The following ARHGAP25 variants were observed in gnomAD, a reference collection of about 807,000 sequenced individuals.
ARHGAP25 encodes the protein Rho GTPase activating protein 25, also known as rho GTPase-activating protein 25.
A neutral mutation model predicts 71.0 loss-of-function variants in ARHGAP25; 34 were observed. The observed-to-expected ratio is 0.48, with a 90% CI of 0.36 to 0.64. The LOEUF is 0.64. ARHGAP25 is among the 30% of genes least tolerant of loss of function. The probability of loss-of-function intolerance (pLI) is 0.00; values close to 1 mark genes in which losing one functional copy is unlikely to be tolerated. For missense variants in ARHGAP25, 706 were observed against 805.1 expected (o/e 0.88, Z 1.49); for synonymous variants, 282 against 296.5 (o/e 0.95, Z 0.50).
At chr2:68,805,968 T>C (rs1313769653) in intron 4 of ARHGAP25, among the ~76,000 whole-genome samples, 1 of 152,194 alleles carries the variant, frequency 6.6e-6, no homozygotes, top group Non-Finnish European at 1.5e-5. Context: ...GGATAGGCAG[T>C]GGTTGTCCTG....
At chr2:68,816,471 C>A in intron 7 of ARHGAP25, 109 bp downstream of exon 7, 3 of 859,462 alleles carry the variant, frequency 3.5e-6, no homozygotes, top group Non-Finnish European at 5.6e-6. Context: ...TGGTCTAGCA[C>A]TTTGGAAGAT....
At chr2:68,772,462 C>T (rs1216851906) in intron 1 of ARHGAP25, among the ~76,000 whole-genome samples, 7 of 152,236 alleles carry the variant, frequency 4.6e-5, no homozygotes, top group Non-Finnish European at 7.3e-5. Flanking sequence ...AAAGCCACAC[C>T]GGGATAGACT....
At chr2:68,781,759 C>T (rs1381608381) in intron 2 of ARHGAP25, among the ~76,000 whole-genome samples, 1 of 152,206 alleles carries the variant, frequency 6.6e-6, no homozygotes, top group Non-Finnish European at 1.5e-5. Flanking sequence ...ATGAATAATA[C>T]ATTCAAGGTG....
Position 68,813,267 on chromosome 2 carries a change from C to A in ARHGAP25, c.675-20C>A. On this transcript the variant is annotated intron_variant, in intron 5 of 10. Coordinates refer to ENST00000409202, the MANE Select transcript of ARHGAP25 (RefSeq NM_001007231.3). ...TTTTCTTTCAAAGAGTTTCACAGAGCGTTGCTTATTTTCTTCCAGAGACAC... is the reference window on the plus strand; with the variant it reads ...TTTTCTTTCAAAGAGTTTCACAGAGAGTTGCTTATTTTCTTCCAGAGACAC... 1 of 1,599,386 alleles carries A rather than the reference C, an allele frequency of 6.3e-7. No homozygotes were observed. Among genetic ancestry groups the A allele is most frequent in the Non-Finnish European group, 8.5e-7 (1 of 1,175,090 alleles).
chr2:68,725,367 C>G (rs1290055619), intron 2 of ARHGAP25, among the ~76,000 whole-genome samples: 1 of 152,082 alleles, frequency 6.6e-6, no homozygotes, highest in Non-Finnish European at 1.5e-5. Flanking sequence ...CTCTGACACC[C>G]AGGCTGGAGT....
intron 2 of ARHGAP25, among the ~76,000 whole-genome samples, chr2:68,714,043 T>C (rs1036378960): frequency 6.6e-6 from 1 of 152,218 alleles, no homozygotes; most frequent in African/African-American, 2.4e-5. Flanking sequence ...TTGTTTGAAA[T>C]AGTTTCAGAA....
chr2:68,816,464 T>G, intron 7 of ARHGAP25, 102 bp downstream of exon 7: 1 of 924,706 alleles, frequency 1.1e-6, no homozygotes, highest in Non-Finnish European at 1.7e-6. Flanking sequence ...GAGATTCTGG[T>G]CTAGCACTTT....
At chr2:68,818,062 T>C in intron 8 of ARHGAP25, 68 bp downstream of exon 8, 1 of 1,583,478 alleles carries the variant, frequency 6.3e-7, no homozygotes, top group Non-Finnish European at 8.6e-7. Flanking sequence ...CCCTGATATT[T>C]GTGCACTGCT....
At chr2:68,773,905 T>C (rs375573323) in intron 1 of ARHGAP25, among the ~76,000 whole-genome samples, 13 of 152,170 alleles carry the variant, frequency 8.5e-5, no homozygotes, top group Admixed American at 8.5e-4. Flanking sequence ...TCTACAACAA[T>C]TCCATAAACA....
intron 2 of ARHGAP25, among the ~76,000 whole-genome samples, chr2:68,715,134 C>T (rs1416845870): frequency 6.6e-6 from 1 of 152,140 alleles, no homozygotes; most frequent in African/African-American, 2.4e-5. Flanking sequence ...AGAACCACTC[C>T]TAAAGTGCCT....
intron 1 of ARHGAP25, among the ~76,000 whole-genome samples, chr2:68,750,746 C>T (rs1356746576): frequency 2.6e-5 from 4 of 152,294 alleles, no homozygotes; most frequent in Admixed American, 6.5e-5. Flanking sequence ...CCCTGCAGAC[C>T]GGACTGTCTG....
chr2:68,804,664 A>G (rs1000122372), intron 4 of ARHGAP25, among the ~76,000 whole-genome samples: 1 of 152,234 alleles, frequency 6.6e-6, no homozygotes, highest in Non-Finnish European at 1.5e-5. Context: ...TGTACAACCC[A>G]TTCCATGGAA....
chr2:68,790,135 T>C (rs1294471387), intron 4 of ARHGAP25, among the ~76,000 whole-genome samples: 4 of 152,164 alleles, frequency 2.6e-5, no homozygotes, highest in African/African-American at 9.7e-5. Flanking sequence ...ATTACAGGCA[T>C]GTGCCACCAC....
At chr2:68,790,290 A>C (rs1018898191) in intron 4 of ARHGAP25, among the ~76,000 whole-genome samples, 3 of 152,184 alleles carry the variant, frequency 2.0e-5, no homozygotes, top group Admixed American at 6.5e-5. Context: ...GTGCCCAGCC[A>C]CGTTTAAAGT....
At chr2:68,716,933 G>A (rs1284934755) in intron 2 of ARHGAP25, among the ~76,000 whole-genome samples, 1 of 152,082 alleles carries the variant, frequency 6.6e-6, no homozygotes, top group Non-Finnish European at 1.5e-5. Context: ...CGCAGTATTT[G>A]TTTTATGTGT....
intron 1 of ARHGAP25, among the ~76,000 whole-genome samples, chr2:68,753,080 G>GC (rs1001420730): frequency 6.6e-6 from 1 of 151,704 alleles, no homozygotes; most frequent in East Asian, 1.9e-4. Context: ...GGGGTGGATG[G>GC]GGGGGGTGAT....
rs185328863 is a variant in ARHGAP25, at chr2:68,735,006, G to T, written c.-194G>T. The stretch of plus-strand genomic sequence containing the variant: ...GGGTGCCATCCTCCAGTGACAGATG[G>T]ATGGACCTTTCATCTAAGAGAAAGG... On this transcript the variant is annotated 5_prime_UTR_variant, in exon 1 of 11. Transcript: ENST00000409202. 13 of 625,962 alleles carry T rather than the reference G, an allele frequency of 2.1e-5. No individual in the cohort carries two copies. The highest frequency in any genetic ancestry group is 1.7e-4 in the South Asian group (9 of 52,580). 38.8% of individuals were successfully genotyped at this position (625,962 alleles called of 1,614,324 possible).
chr2:68,736,385 A>C (rs1388014003), intron 1 of ARHGAP25, among the ~76,000 whole-genome samples: 5 of 152,226 alleles, frequency 3.3e-5, no homozygotes, highest in South Asian at 2.1e-4. Flanking sequence ...ACCTCTTACA[A>C]AAGCAAGAGA....
chr2:68,791,625 C>T (rs1261989427), intron 4 of ARHGAP25, among the ~76,000 whole-genome samples: 1 of 152,090 alleles, frequency 6.6e-6, no homozygotes, highest in South Asian at 2.1e-4. Context: ...TTGCTTCTGA[C>T]AGCAAAACAT....
Sources: allele counts gnomAD v4.1 joint callset (sites outside exome capture counted in the v4.1 genomes callset), GRCh38; gene constraint gnomAD v4.1.1; transcripts MANE v1.5; gene names NCBI Gene and HGNC (gene_info 2026-07-23, HGNC 2026-07-21).